Variants in EYS observed in about 807,000 individuals in gnomAD.
The protein encoded by EYS is EGF-like photoreceptor maintenance factor, also known as protein eyes shut homolog.
EYS carries 250 observed loss-of-function variants against 282.1 expected under a neutral mutation model. That is an observed-to-expected ratio of 0.89 (90% confidence interval 0.80 to 0.98). EYS has a LOEUF of 0.98. Among genes scored for constraint, EYS ranks in the 50% least tolerant of loss-of-function variants. The pLI, the probability that EYS is intolerant of heterozygous loss-of-function variation, is 0.00. For synonymous variants in EYS, 1,355 were observed against 1,282.9 expected (o/e 1.06, Z -1.20); for missense variants, 4,016 against 3,709.0 (o/e 1.08, Z -2.15).
At chr6:63,726,011 A>G (rs761643154) in intron 42 of EYS, among the ~76,000 whole-genome samples, 3 of 152,134 alleles carry the variant, frequency 2.0e-5, no homozygotes, top group Non-Finnish European at 4.4e-5. Flanking sequence ...TAAAACACTA[A>G]TTGGATACTT....
chr6:65,442,717 G>T (rs1768384928), intron 5 of EYS, among the ~76,000 whole-genome samples: 1 of 151,520 alleles, frequency 6.6e-6, no homozygotes, highest in Non-Finnish European at 1.5e-5. Flanking sequence ...TTGTGCCACT[G>T]CACTCCAGGC....
chr6:64,750,511 A>G (rs1772711709), intron 22 of EYS, among the ~76,000 whole-genome samples: 1 of 152,064 alleles, frequency 6.6e-6, no homozygotes. Flanking sequence ...TCCAAAGAAA[A>G]CTACTTTAGA....
At chr6:65,162,263 C>T (rs1248114049) in intron 12 of EYS, among the ~76,000 whole-genome samples, 2 of 151,120 alleles carry the variant, frequency 1.3e-5, no homozygotes, top group African/African-American at 4.8e-5. Flanking sequence ...GTGACATAAT[C>T]CATGGGTCAG....
intron 13 of EYS, among the ~76,000 whole-genome samples, chr6:65,028,033 C>G (rs1561928842): frequency 6.6e-6 from 1 of 152,088 alleles, no homozygotes; most frequent in Non-Finnish European, 1.5e-5. Context: ...TCATCAATGA[C>G]TACACTTTGA....
intron 28 of EYS, among the ~76,000 whole-genome samples, chr6:64,398,241 C>T (rs1773437303): frequency 1.3e-5 from 2 of 151,824 alleles, no homozygotes; most frequent in African/African-American, 4.8e-5. Flanking sequence ...AACTTGAACA[C>T]GTGTTAGGAG....
chr6:64,264,210 T>C (rs1310081849), intron 30 of EYS, among the ~76,000 whole-genome samples: 2 of 152,132 alleles, frequency 1.3e-5, no homozygotes, highest in Admixed American at 6.6e-5. Context: ...ATTTATTAGT[T>C]AGCTAATGCC....
Position 64,697,047 on chromosome 6 carries a change from C to T in EYS, c.3444-70802G>A, listed in dbSNP as rs531484361. ...ATAATGCTTAACATTACAACAGGAA[C>T]AAATCCTGTCAGAACTAACCTTGAA... On this transcript the variant is annotated intron_variant, in intron 22 of 42. Transcript: ENST00000503581. Among the ~76,000 whole-genome samples, 3 of 152,174 alleles carry T rather than the reference C, an allele frequency of 2.0e-5. No individual in the cohort carries two copies. The South Asian group carries it at 6.2e-4, about 32-fold the overall frequency.
At chr6:65,321,154 T>A in intron 11 of EYS, among the ~76,000 whole-genome samples, 1 of 152,068 alleles carries the variant, frequency 6.6e-6, no homozygotes, top group Non-Finnish European at 1.5e-5. Context: ...GCCTTTTTTT[T>A]TTTTTTTTTG....
At chr6:64,543,216 T>C in intron 26 of EYS, among the ~76,000 whole-genome samples, 1 of 152,114 alleles carries the variant, frequency 6.6e-6, no homozygotes, top group East Asian at 1.9e-4. Flanking sequence ...GCTTTTTAAG[T>C]TTTGTATTCC....
At chr6:64,528,871 A>T (rs1778007965) in intron 26 of EYS, among the ~76,000 whole-genome samples, 1 of 152,020 alleles carries the variant, frequency 6.6e-6, no homozygotes, top group South Asian at 2.1e-4. Flanking sequence ...TGCTTTATCA[A>T]ATCTGTTCTA....
intron 22 of EYS, among the ~76,000 whole-genome samples, chr6:64,679,193 G>T (rs1462653302): frequency 1.4e-4 from 2 of 14,434 alleles, no homozygotes; most frequent in African/African-American, 1.6e-4. Context: ...TCGTTCTGAT[G>T]GTTCTTTTTT....
intron 2 of EYS, among the ~76,000 whole-genome samples, chr6:65,502,318 G>T (rs1193416767): frequency 6.6e-6 from 1 of 151,640 alleles, no homozygotes; most frequent in African/African-American, 2.4e-5. Context: ...TTAACTCAAA[G>T]AAGTTGAAAA....
chr6:64,448,563 G>C (rs1775202155), intron 26 of EYS, among the ~76,000 whole-genome samples: 2 of 152,188 alleles, frequency 1.3e-5, no homozygotes, highest in South Asian at 2.1e-4. Context: ...GCCTCCTCAA[G>C]TGGGTCCCTG....
intron 2 of EYS, among the ~76,000 whole-genome samples, chr6:65,497,599 G>A (rs1055282783): frequency 6.6e-6 from 1 of 151,976 alleles, no homozygotes; most frequent in African/African-American, 2.4e-5. Context: ...GCCATTCTCA[G>A]TAAAGGAGCT....
At chr6:64,369,894 T>A (rs79241686) in intron 29 of EYS, among the ~76,000 whole-genome samples, 2 of 152,088 alleles carry the variant, frequency 1.3e-5, no homozygotes, top group African/African-American at 2.4e-5. Flanking sequence ...CCTAAAACTT[T>A]GCCAAAGTTG....
chr6:64,785,039 A>G (rs1006774297), intron 22 of EYS, among the ~76,000 whole-genome samples: 2 of 151,946 alleles, frequency 1.3e-5, no homozygotes, highest in African/African-American at 4.8e-5. Flanking sequence ...GCTGAGAGGA[A>G]CTCCTGAACC....
chr6:64,670,706 C>T (rs1418803368), intron 22 of EYS, among the ~76,000 whole-genome samples: 1 of 152,158 alleles, frequency 6.6e-6, no homozygotes, highest in Admixed American at 6.5e-5. Context: ...ATTTAAGAAT[C>T]TTGGTTGTCC....
At chr6:65,309,513 G>GAT (rs1769099437) in intron 11 of EYS, among the ~76,000 whole-genome samples, 1 of 152,112 alleles carries the variant, frequency 6.6e-6, no homozygotes, top group South Asian at 2.1e-4. Flanking sequence ...CTAGATATCA[G>GAT]ATATCACCAA....
At chr6:65,145,244 A>T (rs1764447863) in intron 12 of EYS, among the ~76,000 whole-genome samples, 1 of 152,002 alleles carries the variant, frequency 6.6e-6, no homozygotes, top group Non-Finnish European at 1.5e-5. Flanking sequence ...TTTAAAAAAC[A>T]CAAAATCGAA....
Sources: gnomAD v4.1 joint callset for allele counts (sites outside exome capture counted in the v4.1 genomes callset) on GRCh38, gnomAD v4.1.1 for gene constraint, MANE v1.5 for transcripts, NCBI Gene and HGNC (gene_info 2026-07-23, HGNC 2026-07-21) for gene names.